The following DGKQ variants were observed in gnomAD, a reference collection of about 807,000 sequenced individuals.
The protein encoded by DGKQ is DAG kinase theta.
A neutral mutation model predicts 104.2 loss-of-function variants in DGKQ; 97 were observed. The observed-to-expected ratio is 0.93, with a 90% confidence interval of 0.79 to 1.10. DGKQ has a LOEUF of 1.10. Among genes scored for constraint, DGKQ ranks in the 50% least tolerant of loss-of-function variants. The pLI is 0.00. For synonymous variants in DGKQ, 736 were observed against 595.2 expected (o/e 1.24, Z -3.44); for missense variants, 1,465 against 1,352.1 (o/e 1.08, Z -1.31).
rs952624491 is a variant in DGKQ, at chr4:967,649, C to T, written c.887G>A (p.Gly296Glu). 1 of 1,612,716 alleles carries T rather than the reference C, an allele frequency of 6.2e-7. No homozygotes were observed. The highest frequency in any genetic ancestry group is 2.2e-5 in the East Asian group (1 of 44,866). ...ATCAAAGATCTTCAGCGTTTGCTTC[C>T]CTGGGCCGGGTAAGCTCCGTGAGTC... is the stretch of plus-strand genomic sequence containing the variant. ...GRETQATPESGKQTLKIFDGD... is the reference protein window; with the variant it reads ...GRETQATPESEKQTLKIFDGD... Residue 296 changes from glycine (G) to glutamate (E), a missense_variant and splice_region_variant, in exon 8 of 23, where the codon GGG becomes GAG. Gly to Glu is a moderately conservative substitution (Grantham distance 98, BLOSUM62 -2). Coordinates refer to ENST00000273814, the MANE Select transcript of DGKQ (RefSeq NM_001347.4).
chr4:973,158 C>T (rs565726816), intron 1 of DGKQ, 54 bp downstream of exon 1: 3 of 1,444,394 alleles, frequency 2.1e-6, no homozygotes, highest in Admixed American at 5.6e-5. Flanking sequence ...AGGCTCCCGC[C>T]CACGGGGCAG....
rs755390862 is a variant in DGKQ, at chr4:965,563, G to A, written c.1580-34C>T. On this transcript the variant is annotated intron_variant, in intron 13 of 22. Coordinates refer to ENST00000273814, the MANE Select transcript of DGKQ (RefSeq NM_001347.4). ...GCAGGCTGTGGTCAGGGCGGTGGGA[G>A]GCGAAGGACACACAGCACTGGGGCC... The A allele has an allele frequency of 4.4e-6, 7 of 1,608,336 alleles. No homozygotes were observed. The African/African-American group carries it at 6.7e-5, about 15-fold the overall frequency.
intron 1 of DGKQ, among the ~76,000 whole-genome samples, chr4:972,195 C>T (rs955040613): frequency 6.6e-6 from 1 of 152,104 alleles, no homozygotes; most frequent in Non-Finnish European, 1.5e-5. Context: ...GGAGGGGACC[C>T]GGAGTCTGGC....
In DGKQ at chr4:961,216, G is replaced by A. The variant is rs201317404; in HGVS notation, c.2575-15C>T. The A allele has an allele frequency of 2.6e-6, 4 of 1,532,126 alleles. No individual in the cohort carries two copies. Among genetic ancestry groups the A allele is most frequent in the Middle Eastern group, 2.2e-4 (1 of 4,578 alleles). The allele number at this position is 1,532,126 out of a possible 1,614,324, so 94.9% of individuals were successfully genotyped here. On this transcript the variant is annotated splice_polypyrimidine_tract_variant and intron_variant, in intron 21 of 22. Coordinates refer to ENST00000273814, the MANE Select transcript of DGKQ (RefSeq NM_001347.4). ...TGGACCTGGCCCTGGGGCGGGAGAG[G>A]CCAGCCGGGCTCAGCGGGGATCAGG...
At chr4:972,984 G>A (rs999478852) in intron 1 of DGKQ, among the ~76,000 whole-genome samples, 2 of 152,194 alleles carry the variant, frequency 1.3e-5, no homozygotes, top group Non-Finnish European at 2.9e-5. Flanking sequence ...CAGCCATCGC[G>A]CGGCACTATG....
intron 12 of DGKQ, 53 bp from the exon 13 acceptor site, chr4:966,131 C>A: frequency 6.5e-7 from 1 of 1,528,710 alleles, no homozygotes. Context: ...ACCACCGCAC[C>A]AGGCCCTCTG....
Position 965,822 on chromosome 4 carries a change from TGGTGGCTCAA to T in DGKQ, c.1579+96_1579+105del, listed in dbSNP as rs539121222. ...TGGGCTGGACCCGGAGCTCAGGCCT[TGGTGGCTCAA>T]GGAGAGGCAGGAGCCGGCTCAGCAC... On this transcript the variant is annotated intron_variant, in intron 13 of 22. Coordinates refer to ENST00000273814, the MANE Select transcript of DGKQ (RefSeq NM_001347.4). The T allele has an allele frequency of 4.8e-4, 624 of 1,308,198 alleles. 3 individuals are homozygous for T. The African/African-American group carries it at 8.2e-3, about 17-fold the overall frequency. 81.0% of individuals were successfully genotyped at this position (1,308,198 alleles called of 1,614,324 possible). A position where few individuals can be genotyped will look rare whatever the true frequency, so the allele number is the denominator to read the frequency against.
At chr4:968,185 T>G in intron 5 of DGKQ, 97 bp downstream of exon 5, 1 of 676,806 alleles carries the variant, frequency 1.5e-6, no homozygotes, top group Non-Finnish European at 2.2e-6. Flanking sequence ...CCCGCGCCTC[T>G]CCTGCCCCGC....
Position 967,365 on chromosome 4 carries a change from C to G in DGKQ, c.988-4G>C, listed in dbSNP as rs774654428. 2 of 1,527,088 alleles carry G rather than the reference C, an allele frequency of 1.3e-6. No individual in the cohort carries two copies. The highest frequency in any genetic ancestry group is 4.9e-5 in the East Asian group (2 of 40,666). 94.6% of individuals were successfully genotyped at this position (1,527,088 alleles called of 1,614,324 possible). A position where few individuals can be genotyped will look rare whatever the true frequency, so the allele number is the denominator to read the frequency against. ...GGTGGGCCCGCAGTGCGGCCTCCTG[C>G]AGGGCACCAGGTTAGAGGGGCCAAG... On this transcript the variant is annotated splice_polypyrimidine_tract_variant and splice_region_variant and intron_variant, in intron 8 of 22. Coordinates refer to ENST00000273814, the MANE Select transcript of DGKQ (RefSeq NM_001347.4).
rs1007989183 is a variant in DGKQ, at chr4:966,728, A to C, written c.1366+20T>G. ...AAAAGGTGCAGGGACCGCCACGCCC[A>C]GCACGGGCTGTCTACTCACCGTGCC... is the stretch of plus-strand genomic sequence containing the variant. On this transcript the variant is annotated intron_variant, in intron 11 of 22. Coordinates refer to ENST00000273814, the MANE Select transcript of DGKQ (RefSeq NM_001347.4). 1.9e-6 allele frequency: 3 copies of C among 1,601,934 alleles called. No individual in the cohort carries two copies. Among genetic ancestry groups the C allele is most frequent in the Non-Finnish European group, 2.6e-6 (3 of 1,174,588 alleles).
chr4:967,001 G>T lies in DGKQ; in HGVS notation c.1274C>A (p.Ser425Tyr). ...VRVTPKSTAR[S>Y]VVLEVLPLLG... ...CAGCGGCAGGACCTCCAGCACCACA[G>T]AGCGGGCCGTGCTCTTCGGGGTCAC... Residue 425 changes from serine to tyrosine, a missense_variant, in exon 10 of 23, where the codon TCT becomes TAT. By Grantham distance (144) the Ser-to-Tyr change is moderately radical. Coordinates refer to ENST00000273814, the MANE Select transcript of DGKQ (RefSeq NM_001347.4). 1 of 1,566,066 alleles carries T rather than the reference G, an allele frequency of 6.4e-7. No individual in the cohort carries two copies. The highest frequency in any genetic ancestry group is 8.6e-7 in the Non-Finnish European group (1 of 1,157,864).
chr4:960,218 A>C lies in DGKQ; in HGVS notation c.*402T>G. ...TGGCCAGGGGGACGGCCCGAGGGGC[A>C]CAAAGTGAGATCAGACCCACCTGGA... On this transcript the variant is annotated 3_prime_UTR_variant, in exon 23 of 23. Coordinates refer to ENST00000273814, the MANE Select transcript of DGKQ (RefSeq NM_001347.4). 2 of 196,830 alleles carry C rather than the reference A, an allele frequency of 1.0e-5. No homozygotes were observed. Among genetic ancestry groups the C allele is most frequent in the Non-Finnish European group, 1.0e-5 (1 of 95,474 alleles). The allele number at this position is 196,830 out of a possible 1,614,324, so 12.2% of individuals were successfully genotyped here.
intron 2 of DGKQ, among the ~76,000 whole-genome samples, chr4:969,703 G>C (rs1196157415): frequency 6.6e-6 from 1 of 150,544 alleles, no homozygotes; most frequent in Non-Finnish European, 1.5e-5. Context: ...TCCGCCTCCT[G>C]GGTTCACACC....
At position 959,862 on chromosome 4, in the gene DGKQ, A is replaced by T. The variant is rs1197723759; in HGVS notation, c.*758T>A. 1 of 151,824 alleles carries T rather than the reference A, an allele frequency of 6.6e-6. No homozygotes were observed. Among genetic ancestry groups the T allele is most frequent in the Non-Finnish European group, 1.5e-5 (1 of 67,930 alleles). The allele number at this position is 151,824 out of a possible 1,614,324, so 9.4% of individuals were successfully genotyped here. On this transcript the variant is annotated 3_prime_UTR_variant, in exon 23 of 23. Transcript: ENST00000273814. ...GCCCACACTCTGGTGCTGCCAGGGC[A>T]GCACCTGAGACCTCCTAGCCTCCAC...
Position 962,825 on chromosome 4 carries a change from C to T in DGKQ, c.1982G>A (p.Arg661Gln), listed in dbSNP as rs1172462030. ...AGGCTCCGGGCAGGCCAGTCGGTAC[C>T]GTGTCTCCTCCAGGGCGCCAAGCAC... Reference protein sequence around the residue: ...GWVLGALEETRYRLACPEPSV... With the variant: ...GWVLGALEETQYRLACPEPSV... The change falls in exon 17 of 23, where the codon CGG (arginine) becomes CAG (glutamine). Residue 661 changes from arginine to glutamine, a missense_variant. Physicochemically the swap from Arg to Gln is conservative, Grantham distance 43 (BLOSUM62 1). Transcript: ENST00000273814. 1.0e-5 allele frequency: 16 copies of T among 1,606,184 alleles called. No individual in the cohort carries two copies. Among genetic ancestry groups the T allele is most frequent in the African/African-American group, 5.3e-5 (4 of 74,838 alleles).
rs769213631 is a variant in DGKQ, at chr4:962,552, G to A, written c.2097C>T (p.Ser699=). The change falls in exon 18 of 23, where the codon TCC becomes TCT. Residue 699 remains serine (S), a synonymous_variant. Coordinates refer to ENST00000273814, the MANE Select transcript of DGKQ (RefSeq NM_001347.4). The stretch of plus-strand genomic sequence containing the variant: ...CGGCCTCGTCCACAGACAGCAGTAC[G>A]GAGAACGGGTCCTCGCCGCTGTAGC... ...GAGYSGEDPF[S]VLLSVDEADA... 1.3e-5 allele frequency: 21 copies of A among 1,610,180 alleles called. 1 individual carries two copies. The highest frequency in any genetic ancestry group is 1.6e-4 in the Middle Eastern group (1 of 6,082).
In DGKQ at chr4:960,554, G is replaced by C; in HGVS notation, c.*66C>G. The C allele has an allele frequency of 6.8e-7, 1 of 1,477,274 alleles. No individual in the cohort carries two copies. The highest frequency in any genetic ancestry group is 9.4e-7 in the Non-Finnish European group (1 of 1,066,784). The allele number at this position is 1,477,274 out of a possible 1,614,324, so 91.5% of individuals were successfully genotyped here. A position where few individuals can be genotyped will look rare whatever the true frequency, so the allele number is the denominator to read the frequency against. ...CTGTGTGGACGTGGAGCTGCCTCCAGACCACCTGAAAACAAGGCTGGCGGG... is the reference window on the plus strand; with the variant it reads ...CTGTGTGGACGTGGAGCTGCCTCCACACCACCTGAAAACAAGGCTGGCGGG... On this transcript the variant is annotated 3_prime_UTR_variant, in exon 23 of 23. Coordinates refer to ENST00000273814, the MANE Select transcript of DGKQ (RefSeq NM_001347.4).
chr4:965,405 G>C (rs748393280), intron 14 of DGKQ, 86 bp downstream of exon 14: 5 of 1,548,880 alleles, frequency 3.2e-6, no homozygotes, highest in Non-Finnish European at 3.5e-6. Flanking sequence ...GGAAAGGTCA[G>C]GTGCTACGTG....
Position 971,171 on chromosome 4 carries a change from C to T in DGKQ, c.272-99G>A. ...CCAGGGCAATGACTGCCATACCCACCATGCTGCACCAGGGGCCCTGTGGTC... is the reference window on the plus strand; with the variant it reads ...CCAGGGCAATGACTGCCATACCCACTATGCTGCACCAGGGGCCCTGTGGTC... On this transcript the variant is annotated intron_variant, in intron 1 of 22. Transcript: ENST00000273814. The surrounding 1 kb of genome is among the most constrained non-coding windows in gnomAD (Gnocchi z 4.0). The T allele has an allele frequency of 1.2e-6, 1 of 831,160 alleles. No individual in the cohort carries two copies. Among genetic ancestry groups the T allele is most frequent in the South Asian group, 1.6e-5 (1 of 64,142 alleles). 51.5% of individuals were successfully genotyped at this position (831,160 alleles called of 1,614,324 possible).
Sources: gnomAD v4.1 joint callset for allele counts (sites outside exome capture counted in the v4.1 genomes callset) on GRCh38, gnomAD v4.1.1 for gene constraint, Gnocchi (gnomAD v3.1) non-coding constraint, MANE v1.5 for transcripts, NCBI Gene and HGNC (gene_info 2026-07-23, HGNC 2026-07-21) for gene names.